The following KIAA1671 variants were observed in gnomAD, a reference collection of about 807,000 sequenced individuals.
KIAA1671 encodes uncharacterized protein KIAA1671.
A neutral mutation model predicts 131.2 loss-of-function variants in KIAA1671; 52 were observed. The ratio of observed to expected loss-of-function variants is 0.40; its 90% CI spans 0.32 to 0.50. KIAA1671 has a LOEUF of 0.50. Ranked by LOEUF, KIAA1671 falls within the 20% of genes least tolerant of loss-of-function variation. The probability of loss-of-function intolerance (pLI) is 0.73; values close to 1 mark genes in which losing one functional copy is unlikely to be tolerated. For missense variants in KIAA1671, 2,360 were observed against 2,364.2 expected (o/e 1.00, Z 0.04); for synonymous variants, 1,003 against 961.6 (o/e 1.04, Z -0.80).
chr22:25,020,306 G>A (rs1925593133), intron 1 of KIAA1671, among the ~76,000 whole-genome samples: 1 of 152,180 alleles, frequency 6.6e-6, no homozygotes, highest in Non-Finnish European at 1.5e-5. Flanking sequence ...AAGATGCACA[G>A]TCATTTAGCA....
At chr22:25,054,611 G>T (rs1927742336) in intron 6 of KIAA1671, 1 of 149,822 alleles carries the variant, frequency 6.7e-6, no homozygotes, top group Admixed American at 6.6e-5. Context: ...CCCTGGGCAC[G>T]CCACCCTCCA....
intron 4 of KIAA1671, 85 bp downstream of exon 4, chr22:25,032,781 C>G (rs1341311718): frequency 2.4e-5 from 19 of 782,014 alleles, no homozygotes; most frequent in Non-Finnish European, 3.9e-5. Flanking sequence ...ATCTTCTAGG[C>G]CCCAGGAAGA....
Position 25,093,824 on chromosome 22 carries a change from T to TTCTCTCTCTCTCTCTCTC in KIAA1671, c.4530+44469_4530+44470insCTCTCTCTCTCTCTCTCT, listed in dbSNP as rs1568951523. 5.0e-4 allele frequency among the ~76,000 whole-genome samples: 11 copies of TTCTCTCTCTCTCTCTCTC among 21,950 alleles called. 1 individual carries two copies. The highest frequency in any genetic ancestry group is 9.6e-4 in the East Asian group (1 of 1,040). The allele number at this position is 21,950 out of a possible 152,430, so 14.4% of individuals were successfully genotyped here. A position where few individuals can be genotyped will look rare whatever the true frequency, so the allele number is the denominator to read the frequency against. On this transcript the variant is annotated intron_variant, in intron 6 of 12. Transcript: ENST00000358431. ...TCTCTCTCTCTCTGTCTCTCTCTCT[T>TTCTCTCTCTCTCTCTCTC]TCTCTCTCTGTCTGTCTCTCTCTCT...
intron 6 of KIAA1671, among the ~76,000 whole-genome samples, chr22:25,079,880 C>T (rs1929313867): frequency 6.6e-6 from 1 of 152,052 alleles, no homozygotes. Flanking sequence ...ATGTGGGGAA[C>T]AGACTCAAGT....
intron 6 of KIAA1671, among the ~76,000 whole-genome samples, chr22:25,103,372 G>A (rs189786404): frequency 1.5e-3 from 220 of 151,680 alleles, no homozygotes; most frequent in Non-Finnish European, 2.2e-3. Flanking sequence ...CACCGCACCC[G>A]GCTAAAGACG....
intron 6 of KIAA1671, among the ~76,000 whole-genome samples, chr22:25,082,180 A>AG (rs1269836637): frequency 6.6e-6 from 1 of 152,216 alleles, no homozygotes; most frequent in African/African-American, 2.4e-5. Context: ...GTGTGGAGCC[A>AG]GGATACTGTG....
At chr22:25,149,083 T>C (rs1050747409) in intron 6 of KIAA1671, among the ~76,000 whole-genome samples, 2 of 134,384 alleles carry the variant, frequency 1.5e-5, no homozygotes, top group African/African-American at 6.4e-5. Flanking sequence ...ATCACAATCA[T>C]TTCCTGAGCA....
intron 6 of KIAA1671, among the ~76,000 whole-genome samples, chr22:25,087,867 G>A (rs775713574): frequency 2.0e-5 from 3 of 152,192 alleles, no homozygotes; most frequent in Non-Finnish European, 4.4e-5. Flanking sequence ...AGCAGCCAGA[G>A]CCCCCAGCAC....
chr22:25,138,164 C>G (rs1036430210), intron 6 of KIAA1671, among the ~76,000 whole-genome samples: 1 of 152,124 alleles, frequency 6.6e-6, no homozygotes, highest in African/African-American at 2.4e-5. Flanking sequence ...TTCTAAATGC[C>G]CGCTGTCATT....
chr22:25,125,238 C>T (rs1932124956), intron 6 of KIAA1671, among the ~76,000 whole-genome samples: 1 of 152,218 alleles, frequency 6.6e-6, no homozygotes, highest in Non-Finnish European at 1.5e-5. Context: ...TCCCATTTTA[C>T]AGATGGGGAA....
rs746998986 is a variant in KIAA1671, at chr22:25,155,825, TTC to T, written c.4531-14993_4531-14992del. On this transcript the variant is annotated intron_variant, in intron 6 of 12. Coordinates refer to ENST00000358431, the MANE Select transcript of KIAA1671 (RefSeq NM_001145206.2). ...ATATATGTGTGTTTATGTATATTTT[TTC>T]TGTGTCTATGCATTTGCCTGTATAT... 2.4e-4 allele frequency among the ~76,000 whole-genome samples: 36 copies of T among 151,854 alleles called. No individual in the cohort carries two copies. In the East Asian group the frequency reaches 3.3e-3, roughly 14 times the overall value.
chr22:25,182,166 G>A (rs1015142160), intron 10 of KIAA1671, among the ~76,000 whole-genome samples: 8 of 146,788 alleles, frequency 5.5e-5, no homozygotes, highest in East Asian at 2.1e-4. Context: ...GCGACAGAGC[G>A]GGACTCCATC....
intron 6 of KIAA1671, among the ~76,000 whole-genome samples, chr22:25,150,836 C>CTTTTTTTTTTTTTTTTTTTT (rs1324671566): frequency 1.6e-5 from 2 of 125,934 alleles, no homozygotes; most frequent in Admixed American, 8.0e-5. Flanking sequence ...GGGTCCTTTG[C>CTTTTTTTTTTTTTTTTTTTT]TTTTTTTTTT....
At position 24,960,130 on chromosome 22, in the gene KIAA1671, C is replaced by CAAATAAATAAAT. The variant is rs56860953; in HGVS notation, c.-208+7386_-208+7397dup. On this transcript the variant is annotated intron_variant, in intron 1 of 12. Transcript: ENST00000358431. ...CTGGCGACAGAGTGAGACTCCGTCT[C>CAAATAAATAAAT]AAATAAATAAATAAATAAATAAATA... 3.2e-3 allele frequency among the ~76,000 whole-genome samples: 475 copies of CAAATAAATAAAT among 146,994 alleles called. 2 individuals carry two copies. Among genetic ancestry groups the CAAATAAATAAAT allele is most frequent in the African/African-American group, 0.011 (419 of 39,454 alleles).
At chr22:25,115,673 C>G (rs913495881) in intron 6 of KIAA1671, among the ~76,000 whole-genome samples, 1 of 152,214 alleles carries the variant, frequency 6.6e-6, no homozygotes, top group Admixed American at 6.5e-5. Flanking sequence ...CCTGATCAAC[C>G]TGTGTTTGTA....
chr22:25,114,351 C>A (rs1205926588), intron 6 of KIAA1671, among the ~76,000 whole-genome samples: 1 of 152,196 alleles, frequency 6.6e-6, no homozygotes, highest in African/African-American at 2.4e-5. Flanking sequence ...TGAAGCAAGC[C>A]CCCAGCACAG....
At chr22:24,984,005 C>T (rs1313654025) in intron 1 of KIAA1671, among the ~76,000 whole-genome samples, 1 of 151,824 alleles carries the variant, frequency 6.6e-6, no homozygotes, top group Non-Finnish European at 1.5e-5. Context: ...CTCGAACTCC[C>T]GACCTCAGGT....
rs576472880 is a variant in KIAA1671 at position 25,124,047 on chromosome 22, A to G, written c.4531-46773A>G. Among the ~76,000 whole-genome samples the G allele has an allele frequency of 1.4e-3, 209 of 152,196 alleles. 2 individuals carry two copies. Among genetic ancestry groups the G allele is most frequent in the Middle Eastern group, 6.8e-3 (2 of 294 alleles). On this transcript the variant is annotated intron_variant, in intron 6 of 12. Transcript: ENST00000358431. Reference sequence around the variant, plus strand: ...TCCCAGTGGATACCTTTCTTGTCTCATGTGTTCTTGCCCATAAAGGAGGCT... The same window carrying G: ...TCCCAGTGGATACCTTTCTTGTCTCGTGTGTTCTTGCCCATAAAGGAGGCT...
At chr22:25,008,106 G>A (rs1412779760) in intron 1 of KIAA1671, among the ~76,000 whole-genome samples, 1 of 149,358 alleles carries the variant, frequency 6.7e-6, no homozygotes, top group Non-Finnish European at 1.5e-5. Context: ...ACTGAGGCAG[G>A]AGAATCTCTT....
Sources: gnomAD v4.1 joint callset for allele counts (sites outside exome capture counted in the v4.1 genomes callset) on GRCh38, gnomAD v4.1.1 for gene constraint, MANE v1.5 for transcripts, NCBI Gene and HGNC (gene_info 2026-07-23, HGNC 2026-07-21) for gene names.